Variants in TMEM165 observed in about 807,000 individuals in gnomAD.
TMEM165 encodes the protein transmembrane protein 165.
Under a neutral mutation model 30.0 loss-of-function variants are expected in TMEM165, and 19 were observed. That is an observed-to-expected ratio of 0.63 (90% CI 0.44 to 0.93). The LOEUF (loss-of-function observed/expected upper bound fraction) is 0.93, where lower values mean the gene tolerates loss of function less well. TMEM165 is among the 40% of genes least tolerant of loss of function. The pLI, the probability that TMEM165 is intolerant of heterozygous loss-of-function variation, is 0.00. For missense variants in TMEM165, 340 were observed against 417.0 expected, an observed-to-expected ratio of 0.82 and a Z score of 1.61; for synonymous variants, 168 against 162.9, an observed-to-expected ratio of 1.03 and a Z score of -0.24.
At chr4:55,400,691 C>T (rs1720965374) in intron 1 of TMEM165, among the ~76,000 whole-genome samples, 1 of 149,694 alleles carries the variant, frequency 6.7e-6, no homozygotes, top group Admixed American at 6.6e-5. Flanking sequence ...CTGCCTCGGC[C>T]TCCCAAAGTG....
At chr4:55,437,468 C>T (rs181387881) in intron 3 of TMEM165, among the ~76,000 whole-genome samples, 1 of 152,294 alleles carries the variant, frequency 6.6e-6, no homozygotes, top group East Asian at 1.9e-4. Flanking sequence ...TGCCTAGTGA[C>T]TTTCTTCTGT....
intron 4 of TMEM165, among the ~76,000 whole-genome samples, chr4:55,421,955 T>C (rs967594061): frequency 3.3e-5 from 5 of 151,882 alleles, no homozygotes; most frequent in African/African-American, 7.3e-5. Context: ...ACATCGCAAA[T>C]CCAACTCTTG....
At chr4:55,446,907 G>A (rs1723898913) in intron 3 of TMEM165, among the ~76,000 whole-genome samples, 1 of 152,096 alleles carries the variant, frequency 6.6e-6, no homozygotes, top group South Asian at 2.1e-4. Context: ...TCAATAGTTT[G>A]TATTTGGGAT....
intron 1 of TMEM165, among the ~76,000 whole-genome samples, chr4:55,410,603 TAGGA>T (rs960364545): frequency 1.3e-5 from 2 of 152,200 alleles, no homozygotes; most frequent in African/African-American, 4.8e-5. Context: ...GACTTCAGCG[TAGGA>T]CGATCTGTGT....
chr4:55,398,571 C>G (rs760078719), intron 1 of TMEM165, among the ~76,000 whole-genome samples: 1 of 152,132 alleles, frequency 6.6e-6, no homozygotes, highest in Non-Finnish European at 1.5e-5. Context: ...TGATCTTGAG[C>G]CTAGCTTTCT....
chr4:55,400,734 C>T (rs1459274301), intron 1 of TMEM165, among the ~76,000 whole-genome samples: 3 of 150,216 alleles, frequency 2.0e-5, no homozygotes, highest in Non-Finnish European at 4.4e-5. Flanking sequence ...CCACGCCTGG[C>T]CTTAATTATA....
intron 1 of TMEM165, among the ~76,000 whole-genome samples, chr4:55,397,662 TTCCTC>T (rs967665887): frequency 6.6e-6 from 1 of 151,866 alleles, no homozygotes; most frequent in African/African-American, 2.4e-5. Flanking sequence ...CCTTTTTCCT[TTCCTC>T]TCCTTTCTCC....
At chr4:55,420,077 C>T (rs1438158238) in intron 4 of TMEM165, among the ~76,000 whole-genome samples, 1 of 118,050 alleles carries the variant, frequency 8.5e-6, no homozygotes, top group Non-Finnish European at 1.7e-5. Context: ...GCCTAGGTGA[C>T]AGAGTGAGAC....
intron 3 of TMEM165, among the ~76,000 whole-genome samples, chr4:55,438,789 A>G (rs1723106472): frequency 6.6e-6 from 1 of 152,238 alleles, no homozygotes; most frequent in African/African-American, 2.4e-5. Context: ...ATTCAAAAGA[A>G]TAAAGTTAGA....
At chr4:55,427,605 A>AAAG (rs1420044689), downstream of TMEM165, among the ~76,000 whole-genome samples, 3 of 152,124 alleles carry the variant, frequency 2.0e-5, no homozygotes, top group African/African-American at 4.8e-5. Flanking sequence ...TCAGCCTCCC[A>AAAG]AAGTGCTAGG....
chr4:55,401,778 A>T (rs1471928675), intron 1 of TMEM165, among the ~76,000 whole-genome samples: 1 of 150,254 alleles, frequency 6.7e-6, no homozygotes, highest in Non-Finnish European at 1.5e-5. Flanking sequence ...ATTAATACTG[A>T]ATTTATTTAG....
chr4:55,425,277 GGAA>G (rs1354155637), intron 5 of TMEM165, 96 bp from the exon 6 acceptor site: 1 of 916,934 alleles, frequency 1.1e-6, no homozygotes. Flanking sequence ...TTAATAGATT[GGAA>G]GAATAATTGG....
intron 1 of TMEM165, among the ~76,000 whole-genome samples, chr4:55,406,641 A>G (rs963941166): frequency 2.6e-5 from 4 of 152,136 alleles, no homozygotes; most frequent in South Asian, 2.1e-4. Flanking sequence ...TTTTCTATCA[A>G]TGGACATTTA....
At chr4:55,402,636 T>C (rs1721070968) in intron 1 of TMEM165, among the ~76,000 whole-genome samples, 1 of 143,084 alleles carries the variant, frequency 7.0e-6, no homozygotes, top group Admixed American at 6.9e-5. Flanking sequence ...TTAGTAGAGA[T>C]GGGGTTTTGC....
chr4:55,438,297 C>T, intron 3 of TMEM165: 3 of 1,614,066 alleles, frequency 1.9e-6, no homozygotes, highest in Non-Finnish European at 2.5e-6. Context: ...AAAATTGTTG[C>T]GGTGGCTGGG....
At chr4:55,400,323 TTA>T (rs199827008) in intron 1 of TMEM165, among the ~76,000 whole-genome samples, 1,132 of 83,936 alleles carry the variant, frequency 0.013, 26 homozygotes, top group African/African-American at 0.049. Flanking sequence ...TAATACTGTA[TTA>T]TATATAATAT....
intron 4 of TMEM165, 49 bp downstream of exon 4, chr4:55,418,034 T>C (rs1721813662): frequency 5.9e-6 from 9 of 1,527,368 alleles, no homozygotes; most frequent in East Asian, 2.3e-5. Context: ...GTAATTATTA[T>C]TACTTTGTTC....
At chr4:55,398,663 T>A (rs531964183) in intron 1 of TMEM165, among the ~76,000 whole-genome samples, 2 of 152,200 alleles carry the variant, frequency 1.3e-5, no homozygotes, top group Non-Finnish European at 2.9e-5. Context: ...TCTTGCAAGT[T>A]GTGTGCGTGT....
intron 1 of TMEM165, among the ~76,000 whole-genome samples, chr4:55,398,698 G>C (rs1371881000): frequency 1.3e-5 from 2 of 152,050 alleles, no homozygotes; most frequent in African/African-American, 4.8e-5. Flanking sequence ...CTAGCTTTTA[G>C]GTGTCTTGAG....
Sources: allele counts gnomAD v4.1 joint callset (sites outside exome capture counted in the v4.1 genomes callset), GRCh38; gene constraint gnomAD v4.1.1; transcripts MANE v1.5; gene names NCBI Gene and HGNC (gene_info 2026-07-23, HGNC 2026-07-21).